The following RBFOX1 variants were observed in gnomAD, a reference collection of about 807,000 sequenced individuals.
The protein encoded by RBFOX1 is RNA binding fox-1 homolog 1.
In RBFOX1, 8 loss-of-function variants were observed where a neutral mutation model predicts 57.7. The ratio of observed to expected loss-of-function variants is 0.14; its 90% CI spans 0.08 to 0.25. RBFOX1 has a LOEUF of 0.25. Among genes scored for constraint, RBFOX1 ranks in the 10% least tolerant of loss-of-function variants. The pLI, the probability that RBFOX1 is intolerant of heterozygous loss-of-function variation, is 1.00. For synonymous variants in RBFOX1, 326 were observed against 222.4 expected, an observed-to-expected ratio of 1.47 and a Z score of -4.15; for missense variants, 611 against 548.5, an observed-to-expected ratio of 1.11 and a Z score of -1.14.
intron 3 of RBFOX1, among the ~76,000 whole-genome samples, chr16:6,810,531 C>T (rs1377426363): frequency 6.6e-6 from 1 of 152,072 alleles, no homozygotes; most frequent in Non-Finnish European, 1.5e-5. Flanking sequence ...CCTCCAAAAA[C>T]CTCTTTTTTT....
chr16:6,546,783 T>C (rs1210296519), intron 2 of RBFOX1, among the ~76,000 whole-genome samples: 1 of 152,208 alleles, frequency 6.6e-6, no homozygotes, highest in Admixed American at 6.5e-5. Flanking sequence ...ATACATATCC[T>C]ATTCCATTTT....
intron 10 of RBFOX1, among the ~76,000 whole-genome samples, chr16:7,629,919 C>G (rs921735426): frequency 6.6e-6 from 1 of 152,198 alleles, no homozygotes; most frequent in Non-Finnish European, 1.5e-5. Context: ...ATTCTCTCAT[C>G]CAGTGTCCAG....
At chr16:6,934,468 T>G (rs1471914197) in intron 3 of RBFOX1, among the ~76,000 whole-genome samples, 1 of 152,150 alleles carries the variant, frequency 6.6e-6, no homozygotes, top group South Asian at 2.1e-4. Flanking sequence ...AGACATGGAA[T>G]CAACCTAACT....
At chr16:6,020,890 G>A (rs1413960879) in intron 1 of RBFOX1, among the ~76,000 whole-genome samples, 1 of 152,188 alleles carries the variant, frequency 6.6e-6, no homozygotes, top group African/African-American at 2.4e-5. Context: ...CAGCAAGGGA[G>A]GGGAAGACCC....
intron 2 of RBFOX1, among the ~76,000 whole-genome samples, chr16:6,388,803 C>T (rs1221463415): frequency 6.6e-6 from 1 of 152,166 alleles, no homozygotes; most frequent in Admixed American, 6.5e-5. Flanking sequence ...ACCTGGAGGA[C>T]ATTCGGCTAA....
intron 2 of RBFOX1, among the ~76,000 whole-genome samples, chr16:6,341,149 G>T (rs2084509157): frequency 6.6e-6 from 1 of 152,138 alleles, no homozygotes; most frequent in African/African-American, 2.4e-5. Flanking sequence ...TCTAACATGG[G>T]TCTTACTGAG....
chr16:7,019,776 G>C (rs2094113064), intron 3 of RBFOX1, among the ~76,000 whole-genome samples: 1 of 152,144 alleles, frequency 6.6e-6, no homozygotes, highest in Non-Finnish European at 1.5e-5. Context: ...GGTTTAGCTT[G>C]TACAAGGAAA....
intron 2 of RBFOX1, among the ~76,000 whole-genome samples, chr16:6,410,376 A>C (rs1387782043): frequency 7.1e-6 from 1 of 140,306 alleles, no homozygotes; most frequent in Non-Finnish European, 1.5e-5. Context: ...CAGTGGCGCG[A>C]ACTTGACTCA....
chr16:6,946,090 G>A (rs112049723), intron 3 of RBFOX1, among the ~76,000 whole-genome samples: 86 of 152,282 alleles, frequency 5.6e-4, no homozygotes, highest in African/African-American at 2.0e-3. Flanking sequence ...CCTTCAATGG[G>A]TAACTCAGGA....
intron 4 of RBFOX1, among the ~76,000 whole-genome samples, chr16:7,173,541 A>C (rs2081110568): frequency 6.6e-6 from 1 of 151,676 alleles, no homozygotes; most frequent in African/African-American, 2.4e-5. Context: ...TGCTTACTTC[A>C]TTGTATTTCA....
intron 3 of RBFOX1, among the ~76,000 whole-genome samples, chr16:6,780,598 CTTTTTTG>C (rs1230442736): frequency 1.6e-5 from 2 of 127,912 alleles, no homozygotes; most frequent in African/African-American, 3.0e-5. Flanking sequence ...ATATATATTT[CTTTTTTG>C]TTTTTTGTTT....
At chr16:7,485,383 C>T (rs150675054) in intron 4 of RBFOX1, among the ~76,000 whole-genome samples, 2 of 152,304 alleles carry the variant, frequency 1.3e-5, no homozygotes, top group African/African-American at 4.8e-5. Flanking sequence ...TGCAGTTTAC[C>T]TTGTACTTTT....
At position 7,462,237 on chromosome 16, in the gene RBFOX1, G is replaced by A. The variant is rs546479910; in HGVS notation, c.28-55910G>A. The stretch of plus-strand genomic sequence containing the variant: ...ATTTGTTGCTGTTTTAATGGCTGCT[G>A]TAACAAATCACCACAAATTTAACAG... On this transcript the variant is annotated intron_variant, in intron 4 of 15. Coordinates refer to ENST00000550418, the MANE Select transcript of RBFOX1 (RefSeq NM_018723.4). Among the ~76,000 whole-genome samples, 7 of 152,318 alleles carry A rather than the reference G, an allele frequency of 4.6e-5. No individual in the cohort carries two copies. The South Asian group carries it at 6.2e-4, about 14-fold the overall frequency.
At chr16:5,994,860 A>T (rs997373814) in intron 4 of RBFOX1, among the ~76,000 whole-genome samples, 1 of 152,188 alleles carries the variant, frequency 6.6e-6, no homozygotes, top group Non-Finnish European at 1.5e-5. Context: ...AGAAATGCAT[A>T]CATATCTACG....
chr16:7,644,930 AAGG>A (rs938089964), intron 11 of RBFOX1, among the ~76,000 whole-genome samples: 16 of 152,104 alleles, frequency 1.1e-4, no homozygotes, highest in African/African-American at 3.6e-4. Context: ...AGCCTGGACA[AAGG>A]AGAGAGAATC....
intron 3 of RBFOX1, among the ~76,000 whole-genome samples, chr16:5,621,576 C>T (rs117466776): frequency 0.02 from 3,013 of 152,222 alleles, 39 homozygotes; most frequent in South Asian, 0.046. Flanking sequence ...TAGGCATCAG[C>T]GGGATTCAGT....
chr16:6,924,671 CT>C (rs111363554), intron 3 of RBFOX1, among the ~76,000 whole-genome samples: 25,875 of 149,482 alleles, frequency 0.17, 2,340 homozygotes, highest in Non-Finnish European at 0.21. Context: ...TACCTTTATT[CT>C]TTTTTTTTTA....
intron 4 of RBFOX1, among the ~76,000 whole-genome samples, chr16:7,297,236 A>G (rs1344712970): frequency 1.3e-5 from 2 of 152,116 alleles, no homozygotes; most frequent in Non-Finnish European, 1.5e-5. Context: ...CCTGCTTTAT[A>G]TGTGAGGCTT....
intron 3 of RBFOX1, among the ~76,000 whole-genome samples, chr16:6,761,928 T>C (rs780387135): frequency 3.3e-5 from 5 of 152,144 alleles, no homozygotes; most frequent in Non-Finnish European, 7.4e-5. Context: ...TCTAGACTGA[T>C]GATCATTTAT....
Sources: allele counts gnomAD v4.1 joint callset (sites outside exome capture counted in the v4.1 genomes callset), GRCh38; gene constraint gnomAD v4.1.1; transcripts MANE v1.5; gene names NCBI Gene and HGNC (gene_info 2026-07-23, HGNC 2026-07-21).